DPH6: variants seen among roughly 807,000 people sequenced by gnomAD.
The protein encoded by DPH6 is diphthine--ammonia ligase.
In DPH6, 33 loss-of-function variants were observed where a neutral mutation model predicts 38.2. The ratio of observed to expected loss-of-function variants is 0.86; its 90% CI spans 0.65 to 1.15. DPH6 has a LOEUF of 1.15. Ranked by LOEUF, DPH6 falls within the 50% of genes most tolerant of loss-of-function variation. DPH6 has a pLI of 0.00. For missense variants in DPH6, 325 were observed against 320.0 expected, an observed-to-expected ratio of 1.02 and a Z score of -0.12; for synonymous variants, 108 against 103.0, an observed-to-expected ratio of 1.05 and a Z score of -0.30.
intron 5 of DPH6, among the ~76,000 whole-genome samples, chr15:35,448,918 T>C (rs1042785073): frequency 5.9e-5 from 9 of 151,616 alleles, no homozygotes; most frequent in Non-Finnish European, 8.8e-5. Context: ...ATAAGACCAT[T>C]TCATAGAAAA....
At chr15:35,187,969 T>C in the DPH6 span, among the ~76,000 whole-genome samples, 1 of 152,088 alleles carries the variant, frequency 6.6e-6, no homozygotes. Flanking sequence ...ATGATGAAAC[T>C]CTGTCTCTAC....
chr15:35,452,485 ATC>A (rs58439057), intron 4 of DPH6, among the ~76,000 whole-genome samples: 6,001 of 149,800 alleles, frequency 0.04, 393 homozygotes, highest in African/African-American at 0.14. Flanking sequence ...GCCTATATTG[ATC>A]TCTCTCTCTC....
intron 6 of DPH6, among the ~76,000 whole-genome samples, chr15:35,393,078 A>C (rs977475786): frequency 6.6e-6 from 1 of 152,198 alleles, no homozygotes; most frequent in Admixed American, 6.5e-5. Context: ...GGTTTTAAGC[A>C]AAAAACTGAC....
chr15:35,521,700 TA>T, intron 3 of DPH6: 5 of 1,231,402 alleles, frequency 4.1e-6, no homozygotes, highest in Non-Finnish European at 5.1e-6. Context: ...AGCAGCATAT[TA>T]AAATCAATTT....
intron 3 of DPH6, among the ~76,000 whole-genome samples, chr15:35,364,264 C>G (rs1296412177): frequency 6.6e-6 from 1 of 151,954 alleles, no homozygotes; most frequent in African/African-American, 2.4e-5. Flanking sequence ...CAATGACCAC[C>G]TATATATCCA....
intron 5 of DPH6, among the ~76,000 whole-genome samples, chr15:35,442,561 A>G (rs180769542): frequency 2.6e-5 from 4 of 152,288 alleles, no homozygotes; most frequent in South Asian, 4.1e-4. Flanking sequence ...AGGTCCAAAG[A>G]AAAACTTGTA....
intron 3 of DPH6, among the ~76,000 whole-genome samples, chr15:35,242,353 C>T (rs1447413601): frequency 1.4e-5 from 2 of 142,474 alleles, no homozygotes; most frequent in African/African-American, 5.1e-5. Context: ...GCCAGGACCG[C>T]ACCCTATAGC....
chr15:35,282,467 C>A (rs1490069396), intron 3 of DPH6: 1 of 182,420 alleles, frequency 5.5e-6, no homozygotes, highest in Non-Finnish European at 1.2e-5. Context: ...GTGTGAGCCA[C>A]CACACCCAGC....
chr15:35,387,494 T>C (rs900027152), intron 6 of DPH6, among the ~76,000 whole-genome samples: 3 of 152,242 alleles, frequency 2.0e-5, no homozygotes. Context: ...TTCTTCCATT[T>C]GTTTGTATCC....
At chr15:35,312,579 A>G (rs2052152281) in intron 3 of DPH6, among the ~76,000 whole-genome samples, 3 of 152,212 alleles carry the variant, frequency 2.0e-5, no homozygotes. Flanking sequence ...CAGAATCACT[A>G]CAGTTTAACA....
chr15:35,409,032 G>A (rs572005319), intron 6 of DPH6, among the ~76,000 whole-genome samples: 3 of 152,012 alleles, frequency 2.0e-5, no homozygotes, highest in Admixed American at 6.6e-5. Flanking sequence ...AAAGACAGTC[G>A]AGGGGGTGGG....
chr15:35,246,255 G>T (rs1347378604), intron 3 of DPH6, among the ~76,000 whole-genome samples: 1 of 152,192 alleles, frequency 6.6e-6, no homozygotes, highest in East Asian at 1.9e-4. Flanking sequence ...GGACGCACGT[G>T]AAAGTAAGTT....
intron 3 of DPH6, among the ~76,000 whole-genome samples, chr15:35,286,765 A>G (rs1393695082): frequency 6.6e-6 from 1 of 152,186 alleles, no homozygotes; most frequent in Non-Finnish European, 1.5e-5. Flanking sequence ...ACTTATTTGA[A>G]AAAGTTTTTC....
intron 6 of DPH6, among the ~76,000 whole-genome samples, chr15:35,404,373 C>T (rs550885832): frequency 3.9e-5 from 6 of 152,260 alleles, no homozygotes; most frequent in Admixed American, 3.3e-4. Flanking sequence ...CTTTTCTCCA[C>T]ATCCTCATCA....
intron 3 of DPH6, among the ~76,000 whole-genome samples, chr15:35,527,153 CTTAATA>C (rs1303965466): frequency 6.6e-6 from 1 of 151,998 alleles, no homozygotes; most frequent in Non-Finnish European, 1.5e-5. Flanking sequence ...GTAACTACCA[CTTAATA>C]TTAATATACT....
chr15:35,441,458 C>T (rs12439199), intron 5 of DPH6, among the ~76,000 whole-genome samples: 101,227 of 152,086 alleles, frequency 0.67, 36,309 homozygotes, highest in South Asian at 0.84. Flanking sequence ...GGCACATATA[C>T]AGCATGGAGT....
At chr15:35,528,588 C>G (rs955769852) in intron 3 of DPH6, among the ~76,000 whole-genome samples, 7 of 152,052 alleles carry the variant, frequency 4.6e-5, no homozygotes, top group African/African-American at 1.7e-4. Context: ...TACCTAGTAT[C>G]TTAGTTTTTA....
At chr15:35,535,596 AAAAC>A (rs1180792290) in intron 3 of DPH6, among the ~76,000 whole-genome samples, 4 of 150,846 alleles carry the variant, frequency 2.7e-5, no homozygotes, top group South Asian at 2.2e-4. Flanking sequence ...ACTTAAAAAG[AAAAC>A]AAACAATTGG....
chr15:35,289,313 A>AT (rs1386231741), intron 3 of DPH6, among the ~76,000 whole-genome samples: 2 of 152,194 alleles, frequency 1.3e-5, no homozygotes, highest in Non-Finnish European at 2.9e-5. Context: ...AGAAACATAT[A>AT]TTTTATCCCC....
Sources: allele counts gnomAD v4.1 joint callset (sites outside exome capture counted in the v4.1 genomes callset), GRCh38; gene constraint gnomAD v4.1.1; transcripts MANE v1.5; gene names NCBI Gene and HGNC (gene_info 2026-07-23, HGNC 2026-07-21).